The following ALPK3 variants were observed in gnomAD, a reference collection of about 807,000 sequenced individuals.
The protein encoded by ALPK3 is alpha-protein kinase 3.
A neutral mutation model predicts 140.0 loss-of-function variants in ALPK3; 102 were observed. The ratio of observed to expected loss-of-function variants is 0.73; its 90% CI spans 0.62 to 0.86. ALPK3 has a LOEUF of 0.86. Among genes scored for constraint, ALPK3 ranks in the 40% least tolerant of loss-of-function variants. ALPK3 has a pLI of 0.00. For missense variants in ALPK3, 2,254 were observed against 2,208.2 expected (o/e 1.02, Z -0.42); for synonymous variants, 938 against 898.5 (o/e 1.04, Z -0.79).
chr15:84,869,175 C>G lies in ALPK3; in HGVS notation c.*719C>G, dbSNP rs77564042. 2,532 of 153,576 alleles carry G rather than the reference C, an allele frequency of 0.016. 31 individuals carry two copies. Among genetic ancestry groups the G allele is most frequent in the Non-Finnish European group, 0.026 (1,779 of 69,012 alleles). 9.5% of individuals were successfully genotyped at this position (153,576 alleles called of 1,614,324 possible). ...CCCTGTCTTGGGGCCCAGCTGCAGCCTGCTGCCTGCCCTTCATGGCTCTGC... is the reference window on the plus strand; with the variant it reads ...CCCTGTCTTGGGGCCCAGCTGCAGCGTGCTGCCTGCCCTTCATGGCTCTGC... On this transcript the variant is annotated 3_prime_UTR_variant, in exon 14 of 14. Transcript: ENST00000258888.
At chr15:84,859,722 A>T in intron 7 of ALPK3, 54 bp from the exon 8 acceptor site, 1 of 1,561,024 alleles carries the variant, frequency 6.4e-7, no homozygotes, top group Non-Finnish European at 8.6e-7. Context: ...GACGCTTAGG[A>T]CCACAGTCTG....
Position 84,839,706 on chromosome 15 carries a change from C to T in ALPK3, c.427C>T (p.Arg143Ter), listed in dbSNP as rs199599837. The T allele has an allele frequency of 2.5e-6, 4 of 1,600,102 alleles. No individual in the cohort carries two copies. The highest frequency in any genetic ancestry group is 3.4e-5 in the Admixed American group (2 of 58,946). Residue 143 changes from arginine to a stop codon, truncating the protein, a stop_gained, in exon 5 of 14, where the codon CGA becomes TGA. Coordinates refer to ENST00000258888, the MANE Select transcript of ALPK3 (RefSeq NM_020778.5). LOFTEE classifies it high-confidence loss of function. ...NRHTLQLYRC[R>*]EEDAAIYQAS... ...ACCTCCCGCTCCTACCTCTAGGTGTCGAGAAGAAGATGCCGCCATCTACCA... is the reference window on the plus strand; with the variant it reads ...ACCTCCCGCTCCTACCTCTAGGTGTTGAGAAGAAGATGCCGCCATCTACCA...
chr15:84,867,494 C>G, intron 13 of ALPK3, 129 bp downstream of exon 13: 4 of 1,046,070 alleles, frequency 3.8e-6, no homozygotes, highest in Non-Finnish European at 5.8e-6. Flanking sequence ...ACACCCATGG[C>G]CATGTGGTAA....
chr15:84,859,471 C>T (rs1020808723), intron 7 of ALPK3, 81 bp downstream of exon 7: 1 of 1,525,054 alleles, frequency 6.6e-7, no homozygotes, highest in African/African-American at 1.4e-5. Context: ...GTGCTTTGAA[C>T]CTATCGCCTC....
intron 5 of ALPK3, among the ~76,000 whole-genome samples, chr15:84,847,868 G>A (rs1327304570): frequency 1.3e-5 from 2 of 152,202 alleles, no homozygotes; most frequent in East Asian, 3.9e-4. Flanking sequence ...AGACCAGCCT[G>A]ACCAACATGG....
At chr15:84,835,976 T>C (rs1963593089) in intron 3 of ALPK3, among the ~76,000 whole-genome samples, 1 of 152,234 alleles carries the variant, frequency 6.6e-6, no homozygotes, top group Non-Finnish European at 1.5e-5. Context: ...ATGGAAAGGA[T>C]GGACGTAAAC....
rs200583445 is a variant in ALPK3, at chr15:84,857,666, T to C, written c.2928T>C (p.Ser976=). 8.7e-6 allele frequency: 14 copies of C among 1,604,720 alleles called. No individual in the cohort carries two copies. Among genetic ancestry groups the C allele is most frequent in the Non-Finnish European group, 1.1e-5 (13 of 1,173,296 alleles). Residue 976 remains serine, a synonymous_variant, in exon 6 of 14, where the codon AGT becomes AGC. Transcript: ENST00000258888. ...LLLKLSSTET[S]GAGGESQVGA... ...TGAAGCTGTCCAGCACAGAGACAAG[T>C]GGAGCAGGGGGAGAGTCCCAGGTGG... is the stretch of plus-strand genomic sequence containing the variant.
chr15:84,865,662 A>G lies in ALPK3; in HGVS notation c.4723+997A>G, dbSNP rs77589263. Among the ~76,000 whole-genome samples the G allele has an allele frequency of 3.3e-3, 500 of 152,362 alleles. 6 individuals are homozygous for G. The highest frequency in any genetic ancestry group is 0.025 in the East Asian group (131 of 5,182). ...GTGAGACGATAACGTGGCATAGTAG[A>G]AAGGCTTTAAAGTCGGCTGGGCGCG... On this transcript the variant is annotated intron_variant, in intron 12 of 13. Transcript: ENST00000258888.
intron 3 of ALPK3, among the ~76,000 whole-genome samples, chr15:84,834,856 C>T (rs1057371569): frequency 6.6e-6 from 1 of 152,254 alleles, no homozygotes; most frequent in African/African-American, 2.4e-5. Flanking sequence ...ACCCGGAGCC[C>T]TCCTGCTTTT....
At position 84,856,532 on chromosome 15, in the gene ALPK3, A is replaced by G. The variant is rs775762752; in HGVS notation, c.1794A>G (p.Thr598=). The G allele has an allele frequency of 1.2e-6, 2 of 1,614,078 alleles. No individual in the cohort carries two copies. Among genetic ancestry groups the G allele is most frequent in the Admixed American group, 1.7e-5 (1 of 60,000 alleles). Residue 598 remains threonine, a synonymous_variant, in exon 6 of 14, where the codon ACA becomes ACG. Transcript: ENST00000258888. ...TGGAAACCCAGGAGGATGGGAGAAC[A>G]TCTGCTAACCAGAGAACTGGAAGCA... The part of the protein sequence containing the change: ...MDMETQEDGR[T]SANQRTGSKK...
intron 9 of ALPK3, among the ~76,000 whole-genome samples, chr15:84,860,706 C>T (rs1316525032): frequency 6.6e-6 from 1 of 152,200 alleles, no homozygotes; most frequent in Non-Finnish European, 1.5e-5. Flanking sequence ...CTCACTCTTT[C>T]AATCACTCAT....
At chr15:84,822,711 T>A (rs1963441229) in intron 1 of ALPK3, among the ~76,000 whole-genome samples, 1 of 152,118 alleles carries the variant, frequency 6.6e-6, no homozygotes, top group African/African-American at 2.4e-5. Context: ...GCAAGAGAGA[T>A]GATTGGGGCC....
At chr15:84,839,128 T>A (rs535186459) in intron 4 of ALPK3, 31 bp downstream of exon 4, 1 of 1,565,664 alleles carries the variant, frequency 6.4e-7, no homozygotes. Flanking sequence ...TTGCTCTCTC[T>A]GCCCTCCCGA....
chr15:84,862,493 G>A, intron 9 of ALPK3, 142 bp from the exon 10 acceptor site: 1 of 980,000 alleles, frequency 1.0e-6, no homozygotes, highest in Non-Finnish European at 1.5e-6. Flanking sequence ...GACTTAATGT[G>A]CCCAAAGAGC....
At chr15:84,822,665 A>G (rs145713994) in intron 1 of ALPK3, among the ~76,000 whole-genome samples, 114 of 152,284 alleles carry the variant, frequency 7.5e-4, no homozygotes, top group Non-Finnish European at 1.4e-3. Context: ...TCCTCATCCT[A>G]GTGCCCTACA....
At position 84,840,375 on chromosome 15, in the gene ALPK3, G is replaced by T; in HGVS notation, c.1096G>T (p.Val366Phe). Reference sequence around the variant, plus strand: ...TCAGGGGCCCGTGGGCGTGGAGCAGGTTCAGACCCAGCCCAGAGGCAGGGC... The same window carrying T: ...TCAGGGGCCCGTGGGCGTGGAGCAGTTTCAGACCCAGCCCAGAGGCAGGGC... ...GTQGPVGVEQ[V>F]QTQPRGRAAR... The change falls in exon 5 of 14, where the codon GTT becomes TTT. Residue 366 changes from valine to phenylalanine, a missense_variant. Transcript: ENST00000258888. 1.9e-6 allele frequency: 3 copies of T among 1,613,826 alleles called. No individual in the cohort carries two copies. Among genetic ancestry groups the T allele is most frequent in the Middle Eastern group, 3.3e-4 (2 of 6,062 alleles).
chr15:84,818,803 A>C (rs1374029645), intron 1 of ALPK3, among the ~76,000 whole-genome samples: 1 of 152,224 alleles, frequency 6.6e-6, no homozygotes, highest in African/African-American at 2.4e-5. Flanking sequence ...GTCAGACTCA[A>C]CAAGGCCCCT....
rs1183915340 is a variant in ALPK3, at chr15:84,870,773, G to C, written c.*2317G>C. On this transcript the variant is annotated 3_prime_UTR_variant, in exon 14 of 14. Coordinates refer to ENST00000258888, the MANE Select transcript of ALPK3 (RefSeq NM_020778.5). ...CAGGGCTTCATAGAGTGGGAGGGGG[G>C]CAGTCTTCCAAAAGATGCGGACTCT... The C allele has an allele frequency of 1.3e-5, 2 of 152,216 alleles. No homozygotes were observed. Among genetic ancestry groups the C allele is most frequent in the Admixed American group, 6.5e-5 (1 of 15,288 alleles). The allele number at this position is 152,216 out of a possible 1,614,324, so 9.4% of individuals were successfully genotyped here.
Position 84,872,008 on chromosome 15 carries a change from A to C in ALPK3, c.*3552A>C, listed in dbSNP as rs1964078273. On this transcript the variant is annotated 3_prime_UTR_variant, in exon 14 of 14. Coordinates refer to ENST00000258888, the MANE Select transcript of ALPK3 (RefSeq NM_020778.5). ...CTGCCCCTCTCAGAGCCACAGGTGT[A>C]GACAGGTGAAAACACTGGACAGTGA... The C allele has an allele frequency of 6.6e-6, 1 of 152,462 alleles. No homozygotes were observed. Among genetic ancestry groups the C allele is most frequent in the East Asian group, 1.9e-4 (1 of 5,192 alleles). The allele number at this position is 152,462 out of a possible 1,614,324, so 9.4% of individuals were successfully genotyped here.
Sources: allele counts gnomAD v4.1 joint callset (sites outside exome capture counted in the v4.1 genomes callset), GRCh38; gene constraint gnomAD v4.1.1; transcripts MANE v1.5; gene names NCBI Gene and HGNC (gene_info 2026-07-23, HGNC 2026-07-21).